The following SPATS2L variants were observed in gnomAD, a reference collection of about 807,000 sequenced individuals.
SPATS2L encodes SPATS2-like protein.
SPATS2L carries 30 observed loss-of-function variants against 59.6 expected under a neutral mutation model. The observed-to-expected ratio is 0.50, with a 90% CI of 0.38 to 0.68. The LOEUF (loss-of-function observed/expected upper bound fraction) is 0.68, where lower values mean the gene tolerates loss of function less well. Among genes scored for constraint, SPATS2L ranks in the 30% least tolerant of loss-of-function variants. SPATS2L has a pLI of 0.00. For missense variants in SPATS2L, 615 were observed against 700.0 expected (o/e 0.88, Z 1.37); for synonymous variants, 252 against 263.5 (o/e 0.96, Z 0.42).
chr2:200,327,643 G>A (rs992676940), intron 1 of SPATS2L, among the ~76,000 whole-genome samples: 8 of 152,162 alleles, frequency 5.3e-5, no homozygotes, highest in Non-Finnish European at 7.4e-5. Flanking sequence ...CTTTTGTGGG[G>A]CATAAAGAAA....
chr2:200,403,388 A>C (rs909034448), intron 3 of SPATS2L, among the ~76,000 whole-genome samples: 1 of 152,214 alleles, frequency 6.6e-6, no homozygotes, highest in Admixed American at 6.5e-5. Flanking sequence ...AGAACACTTT[A>C]GTTCTTTTTA....
At chr2:200,325,254 C>A (rs762221899) in intron 1 of SPATS2L, among the ~76,000 whole-genome samples, 14 of 152,170 alleles carry the variant, frequency 9.2e-5, no homozygotes, top group Non-Finnish European at 1.8e-4. Context: ...CTTTCTCTAT[C>A]CTCAAATAGA....
rs74725472 is a variant in SPATS2L at position 200,343,886 on chromosome 2, A to G, written c.-23+14406A>G. ...TTGCTTAATATATGTATATATTCTTAGAAAATATTCTGGAAATGTATTTAA... is the reference window on the plus strand; with the variant it reads ...TTGCTTAATATATGTATATATTCTTGGAAAATATTCTGGAAATGTATTTAA... On this transcript the variant is annotated intron_variant, in intron 2 of 12. Transcript: ENST00000409140. Among the ~76,000 whole-genome samples, 556 of 152,262 alleles carry G rather than the reference A, an allele frequency of 3.7e-3. 5 individuals carry two copies. Among genetic ancestry groups the G allele is most frequent in the African/African-American group, 0.013 (523 of 41,578 alleles).
intron 2 of SPATS2L, among the ~76,000 whole-genome samples, chr2:200,373,572 G>C (rs1368253476): frequency 6.6e-6 from 1 of 152,108 alleles, no homozygotes; most frequent in African/African-American, 2.4e-5. Flanking sequence ...TCAGTGTCTG[G>C]TTATCTCTTT....
intron 2 of SPATS2L, among the ~76,000 whole-genome samples, chr2:200,368,753 C>T (rs1213810282): frequency 6.6e-6 from 1 of 151,986 alleles, no homozygotes; most frequent in Admixed American, 6.6e-5. Context: ...GTTCTATAGC[C>T]GGAGACTCTG....
intron 6 of SPATS2L, among the ~76,000 whole-genome samples, chr2:200,437,358 C>A (rs1260290038): frequency 1.3e-5 from 2 of 152,130 alleles, no homozygotes; most frequent in Non-Finnish European, 2.9e-5. Context: ...TAATCTTTTA[C>A]AGTAGGGTTT....
intron 2 of SPATS2L, among the ~76,000 whole-genome samples, chr2:200,369,424 G>T (rs1298993826): frequency 2.1e-4 from 32 of 152,138 alleles, no homozygotes; most frequent in Non-Finnish European, 2.9e-5. Flanking sequence ...CTCCCAAAGT[G>T]CTGGGATTAC....
At chr2:200,443,290 T>C (rs1234007009) in intron 8 of SPATS2L, among the ~76,000 whole-genome samples, 2 of 152,180 alleles carry the variant, frequency 1.3e-5, no homozygotes, top group East Asian at 3.9e-4. Context: ...GGTCACAAAA[T>C]TGAAGATGGC....
chr2:200,331,200 A>G (rs2079933077), intron 2 of SPATS2L, among the ~76,000 whole-genome samples: 1 of 152,240 alleles, frequency 6.6e-6, no homozygotes, highest in South Asian at 2.1e-4. Flanking sequence ...CACATAAGCC[A>G]TATAAATCCA....
chr2:200,459,756 T>G lies in SPATS2L; in HGVS notation c.789-13T>G. On this transcript the variant is annotated splice_polypyrimidine_tract_variant and intron_variant, in intron 8 of 12. Coordinates refer to ENST00000409140, the MANE Select transcript of SPATS2L (RefSeq NM_001100423.2). ...CATTCTTTGCTTTTGTTTTTGTTTT[T>G]GTTTTTCCCCAGCATCATTGACAAA... 7 of 1,607,314 alleles carry G rather than the reference T, an allele frequency of 4.4e-6. No individual in the cohort carries two copies. The highest frequency in any genetic ancestry group is 5.1e-6 in the Non-Finnish European group (6 of 1,176,400).
chr2:200,362,596 A>T (rs1392755251), intron 2 of SPATS2L, among the ~76,000 whole-genome samples: 1 of 152,206 alleles, frequency 6.6e-6, no homozygotes, highest in East Asian at 1.9e-4. Flanking sequence ...GGACTTACCT[A>T]TGTGAAGATA....
intron 2 of SPATS2L, among the ~76,000 whole-genome samples, chr2:200,351,511 A>G (rs931736957): frequency 6.6e-6 from 1 of 152,198 alleles, no homozygotes; most frequent in Non-Finnish European, 1.5e-5. Context: ...CCTTGTCAGT[A>G]ACTTTTCTCC....
At chr2:200,468,816 ATCTC>A (rs990967528) in intron 10 of SPATS2L, among the ~76,000 whole-genome samples, 1 of 152,208 alleles carries the variant, frequency 6.6e-6, no homozygotes, top group African/African-American at 2.4e-5. Flanking sequence ...TCCAACTTCC[ATCTC>A]TCTCTACAAA....
chr2:200,438,996 T>C, intron 6 of SPATS2L, 126 bp from the exon 7 acceptor site: 1 of 696,742 alleles, frequency 1.4e-6, no homozygotes, highest in Middle Eastern at 3.5e-4. Context: ...GTTTCTTGAC[T>C]GTTTGCAATG....
chr2:200,406,862 C>A (rs1323673766), intron 3 of SPATS2L, among the ~76,000 whole-genome samples: 1 of 152,130 alleles, frequency 6.6e-6, no homozygotes, highest in Non-Finnish European at 1.5e-5. Flanking sequence ...GGGGTAAAAC[C>A]ATGTTAACCA....
chr2:200,436,164 A>C (rs2084276819), intron 6 of SPATS2L, among the ~76,000 whole-genome samples: 1 of 152,092 alleles, frequency 6.6e-6, no homozygotes, highest in South Asian at 2.1e-4. Context: ...CTCCCGATAA[A>C]TGGAGAGCTG....
chr2:200,466,712 T>G (rs1032115526), intron 9 of SPATS2L, among the ~76,000 whole-genome samples: 1 of 152,248 alleles, frequency 6.6e-6, no homozygotes, highest in Non-Finnish European at 1.5e-5. Flanking sequence ...TCTGTTTTTT[T>G]GCTGAATGGA....
chr2:200,424,205 G>T (rs886814624), intron 6 of SPATS2L, among the ~76,000 whole-genome samples: 2 of 152,050 alleles, frequency 1.3e-5, no homozygotes, highest in Non-Finnish European at 2.9e-5. Flanking sequence ...TATTTTTGCC[G>T]AGCGGGCACA....
At chr2:200,365,287 C>T (rs1377262995) in intron 2 of SPATS2L, among the ~76,000 whole-genome samples, 2 of 152,202 alleles carry the variant, frequency 1.3e-5, no homozygotes, top group Non-Finnish European at 2.9e-5. Context: ...AGCATCATCA[C>T]AACATCACTA....
Sources: allele counts gnomAD v4.1 joint callset (sites outside exome capture counted in the v4.1 genomes callset), GRCh38; gene constraint gnomAD v4.1.1; transcripts MANE v1.5; gene names NCBI Gene and HGNC (gene_info 2026-07-23, HGNC 2026-07-21).